The following RBFOX1 variants were observed in gnomAD, a reference collection of about 807,000 sequenced individuals.
RBFOX1 encodes RNA binding protein fox-1 homolog 1.
In RBFOX1, 8 loss-of-function variants were observed where a neutral mutation model predicts 57.7. The observed-to-expected ratio is 0.14, with a 90% CI of 0.08 to 0.25. The LOEUF (loss-of-function observed/expected upper bound fraction) is 0.25. RBFOX1 is among the 10% of genes least tolerant of loss of function. RBFOX1 has a pLI of 1.00. For synonymous variants in RBFOX1, 326 were observed against 222.4 expected (o/e 1.47, Z -4.15); for missense variants, 611 against 548.5 (o/e 1.11, Z -1.14).
Position 5,934,671 on chromosome 16 carries a change from C to T in RBFOX1, c.351+67336C>T, listed in dbSNP as rs916211259. Among the ~76,000 whole-genome samples, 18 of 152,294 alleles carry T rather than the reference C, an allele frequency of 1.2e-4. 1 individual carries two copies. Among genetic ancestry groups the T allele is most frequent in the Admixed American group, 1.2e-3 (18 of 15,298 alleles). ...TATGCTGATTACTCTGATGTGATTACTACACGTTATATTTATGGAAATATC... is the reference window on the plus strand; with the variant it reads ...TATGCTGATTACTCTGATGTGATTATTACACGTTATATTTATGGAAATATC... On this transcript the variant is annotated intron_variant, in intron 4 of 19. Transcript: ENST00000641259.
chr16:5,251,361 G>A (rs1272242325), intron 1 of RBFOX1, among the ~76,000 whole-genome samples: 1 of 152,264 alleles, frequency 6.6e-6, no homozygotes, highest in Non-Finnish European at 1.5e-5. Flanking sequence ...CGTTCACGGC[G>A]CCGGCCTTGT....
Position 5,294,512 on chromosome 16 carries a change from C to G in RBFOX1, c.219+54407C>G, listed in dbSNP as rs146741454. Among the ~76,000 whole-genome samples the G allele has an allele frequency of 2.3e-3, 345 of 152,260 alleles. 2 individuals are homozygous for G. Among genetic ancestry groups the G allele is most frequent in the African/African-American group, 7.6e-3 (317 of 41,556 alleles). ...ACAATGCAGTCTAACAACCGGCTGC[C>G]TCAAAATGCACTGGGATCCCTCGTA... is the stretch of plus-strand genomic sequence containing the variant. On this transcript the variant is annotated intron_variant, in intron 1 of 2. Coordinates refer to the RBFOX1 transcript ENST00000585867.
At chr16:5,668,459 A>G (rs2049917611) in intron 3 of RBFOX1, among the ~76,000 whole-genome samples, 2 of 152,198 alleles carry the variant, frequency 1.3e-5, no homozygotes, top group East Asian at 1.9e-4. Flanking sequence ...GGTAGCCAAA[A>G]TCATCAGAGG....
At chr16:6,805,568 A>C (rs2086563299) in intron 3 of RBFOX1, among the ~76,000 whole-genome samples, 1 of 152,062 alleles carries the variant, frequency 6.6e-6, no homozygotes, top group Non-Finnish European at 1.5e-5. Flanking sequence ...TTCAGTTATC[A>C]CATTGAAAGG....
intron 4 of RBFOX1, among the ~76,000 whole-genome samples, chr16:7,166,894 T>C (rs749392220): frequency 3.4e-4 from 51 of 149,964 alleles, no homozygotes; most frequent in Non-Finnish European, 6.2e-4. Flanking sequence ...CAGCCACCAG[T>C]AGCCTTGCTC....
chr16:6,568,751 A>G (rs1266895427), intron 2 of RBFOX1, among the ~76,000 whole-genome samples: 1 of 152,056 alleles, frequency 6.6e-6, no homozygotes, highest in African/African-American at 2.4e-5. Context: ...AAGTTTGATT[A>G]CCAGTGTGCT....
chr16:6,992,232 C>T (rs181197210), intron 3 of RBFOX1, among the ~76,000 whole-genome samples: 491 of 151,172 alleles, frequency 3.2e-3, no homozygotes, highest in African/African-American at 0.011. Context: ...GGTGCAATCT[C>T]GGCTTACTGC....
intron 1 of RBFOX1, among the ~76,000 whole-genome samples, chr16:6,165,009 A>G (rs1028668586): frequency 6.6e-6 from 1 of 152,168 alleles, no homozygotes; most frequent in African/African-American, 2.4e-5. Flanking sequence ...TATATTTAAT[A>G]TTATATAAAA....
At chr16:5,562,256 C>T (rs117923981) in intron 2 of RBFOX1, among the ~76,000 whole-genome samples, 190 of 152,274 alleles carry the variant, frequency 1.2e-3, no homozygotes, top group Non-Finnish European at 2.0e-3. Context: ...TGGAGGTCTG[C>T]AGTTATATGT....
intron 10 of RBFOX1, among the ~76,000 whole-genome samples, chr16:7,628,987 C>T (rs1247540359): frequency 6.6e-6 from 1 of 152,162 alleles, no homozygotes; most frequent in African/African-American, 2.4e-5. Context: ...CTCCGCCAGA[C>T]TCTTGATATA....
rs71147700 is a variant in RBFOX1 at position 7,448,927 on chromosome 16, G to GTTTTTTTTTTTTTTT, written c.28-69215_28-69201dup. ...CTTGGTAGACATTTTTCTTTCCCCT[G>GTTTTTTTTTTTTTTT]TTTTTTTTTTTTTTTTTTTGAGATG... On this transcript the variant is annotated intron_variant, in intron 4 of 15. Coordinates refer to ENST00000550418, the MANE Select transcript of RBFOX1 (RefSeq NM_018723.4). 2.3e-4 allele frequency among the ~76,000 whole-genome samples: 19 copies of GTTTTTTTTTTTTTTT among 82,978 alleles called. 2 individuals carry two copies. Among genetic ancestry groups the GTTTTTTTTTTTTTTT allele is most frequent in the Non-Finnish European group, 3.0e-4 (14 of 46,000 alleles). 54.4% of individuals were successfully genotyped at this position (82,978 alleles called of 152,430 possible).
intron 4 of RBFOX1, among the ~76,000 whole-genome samples, chr16:7,321,063 C>G (rs1223481655): frequency 1.7e-5 from 1 of 59,846 alleles, no homozygotes; most frequent in Admixed American, 1.8e-4. Flanking sequence ...ATCTATCTAT[C>G]TGTCTATCTA....
intron 1 of RBFOX1, among the ~76,000 whole-genome samples, 160 bp from the exon 2 acceptor site, chr16:6,316,835 A>G (rs1356559989): frequency 6.6e-6 from 1 of 152,202 alleles, no homozygotes; most frequent in Non-Finnish European, 1.5e-5. Context: ...GAAGAACTGA[A>G]TCATTTTCAT....
rs570070591 is a variant in RBFOX1, at chr16:6,168,347, C to CT, written c.-127+148358dup. 3.9e-5 allele frequency among the ~76,000 whole-genome samples: 6 copies of CT among 152,216 alleles called. No individual in the cohort carries two copies. The East Asian group carries it at 1.2e-3, about 29-fold the overall frequency. On this transcript the variant is annotated intron_variant, in intron 1 of 15. Coordinates refer to ENST00000550418, the MANE Select transcript of RBFOX1 (RefSeq NM_018723.4). ...CTGTTTTCAACTTGTGCTTGTTTTCCTTTCTCTAGCTTAAGTATGAACAGC... is the reference window on the plus strand; with the variant it reads ...CTGTTTTCAACTTGTGCTTGTTTTCCTTTTCTCTAGCTTAAGTATGAACAGC...
At chr16:7,128,232 A>G (rs2069137736) in intron 4 of RBFOX1, among the ~76,000 whole-genome samples, 1 of 152,318 alleles carries the variant, frequency 6.6e-6, no homozygotes, top group African/African-American at 2.4e-5. Context: ...GCCAGACACT[A>G]AGTCCTTTTT....
intron 1 of RBFOX1, among the ~76,000 whole-genome samples, chr16:6,069,782 T>G (rs2095813152): frequency 6.6e-6 from 1 of 151,668 alleles, no homozygotes; most frequent in Non-Finnish European, 1.5e-5. Context: ...AGTTCAGGAG[T>G]TTGAGACCAG....
intron 2 of RBFOX1, among the ~76,000 whole-genome samples, chr16:5,524,615 A>G (rs2044165167): frequency 6.7e-6 from 1 of 150,254 alleles, no homozygotes; most frequent in Admixed American, 6.6e-5. Flanking sequence ...ATCTTGGCTC[A>G]CTGCAACCTC....
At chr16:7,207,069 G>A (rs909166845) in intron 4 of RBFOX1, among the ~76,000 whole-genome samples, 2 of 152,190 alleles carry the variant, frequency 1.3e-5, no homozygotes, top group Admixed American at 6.5e-5. Flanking sequence ...CCCTACAGAT[G>A]TGTAGGTGCT....
chr16:5,922,568 G>A (rs1299064287), intron 4 of RBFOX1, among the ~76,000 whole-genome samples: 1 of 152,142 alleles, frequency 6.6e-6, no homozygotes, highest in African/African-American at 2.4e-5. Context: ...CCAGAACCCA[G>A]GTGAAGTGTC....
Sources: allele counts gnomAD v4.1 joint callset (sites outside exome capture counted in the v4.1 genomes callset), GRCh38; gene constraint gnomAD v4.1.1; transcripts MANE v1.5; gene names NCBI Gene and HGNC (gene_info 2026-07-23, HGNC 2026-07-21).